The following RAPGEF4 variants were observed in gnomAD, a reference collection of about 807,000 sequenced individuals.
The protein encoded by RAPGEF4 is Rap guanine nucleotide exchange factor 4.
Under a neutral mutation model 147.9 loss-of-function variants are expected in RAPGEF4, and 66 were observed. The observed-to-expected ratio is 0.45, with a 90% CI of 0.37 to 0.55. The LOEUF is 0.55. Among genes scored for constraint, RAPGEF4 ranks in the 20% least tolerant of loss-of-function variants. The pLI, the probability that RAPGEF4 is intolerant of heterozygous loss-of-function variation, is 0.00. For missense variants in RAPGEF4, 1,071 were observed against 1,257.3 expected (o/e 0.85, Z 2.24); for synonymous variants, 419 against 442.7 (o/e 0.95, Z 0.67).
At chr2:172,968,977 T>C (rs1277084937) in intron 10 of RAPGEF4, among the ~76,000 whole-genome samples, 1 of 152,176 alleles carries the variant, frequency 6.6e-6, no homozygotes, top group African/African-American at 2.4e-5. Flanking sequence ...CAAGCCAACA[T>C]ATGCAGTGGT....
chr2:172,913,565 T>A (rs185329588), intron 4 of RAPGEF4, among the ~76,000 whole-genome samples: 1 of 152,334 alleles, frequency 6.6e-6, no homozygotes, highest in Admixed American at 6.5e-5. Context: ...GCTCCTGGGT[T>A]GGAATGACTC....
intron 4 of RAPGEF4, among the ~76,000 whole-genome samples, chr2:172,859,872 A>T (rs1292945662): frequency 6.6e-6 from 1 of 152,108 alleles, no homozygotes; most frequent in Non-Finnish European, 1.5e-5. Context: ...GTCTTGCTGG[A>T]CCTATCCTTT....
chr2:172,873,291 C>T (rs985993550), intron 4 of RAPGEF4, among the ~76,000 whole-genome samples: 2 of 152,092 alleles, frequency 1.3e-5, no homozygotes, highest in African/African-American at 4.8e-5. Flanking sequence ...CTCAGGGAAC[C>T]TTGTTCAGAG....
chr2:172,828,958 A>G (rs532066383), intron 4 of RAPGEF4, among the ~76,000 whole-genome samples: 12 of 152,308 alleles, frequency 7.9e-5, no homozygotes, highest in Non-Finnish European at 1.3e-4. Context: ...TCAAAGAGAA[A>G]GTGACTCTAG....
Position 173,027,165 on chromosome 2 carries a change from G to A in RAPGEF4, c.2464G>A (p.Glu822Lys). ...NLDLFLRRFN[E>K]IQFWVVTEIC... is the part of the protein sequence containing the mutation. ...GGATTTGTTCCTGAGGAGATTTAATGAAATTCAGTTTTGGGTCGTCACTGA... is the reference window on the plus strand; with the variant it reads ...GGATTTGTTCCTGAGGAGATTTAATAAAATTCAGTTTTGGGTCGTCACTGA... The change falls in exon 25 of 31, where the codon GAA becomes AAA. Residue 822 changes from glutamate (E) to lysine (K), a missense_variant. Coordinates refer to ENST00000397081, the MANE Select transcript of RAPGEF4 (RefSeq NM_007023.4). The A allele has an allele frequency of 6.2e-7, 1 of 1,613,724 alleles. No individual in the cohort carries two copies. The highest frequency in any genetic ancestry group is 8.5e-7 in the Non-Finnish European group (1 of 1,179,834).
At chr2:172,742,631 C>T (rs1369949606) in intron 1 of RAPGEF4, among the ~76,000 whole-genome samples, 2 of 152,278 alleles carry the variant, frequency 1.3e-5, no homozygotes, top group East Asian at 3.9e-4. Context: ...TATTGGGAGA[C>T]ATTTCACTGT....
At chr2:173,036,580 T>G in intron 28 of RAPGEF4, 48 bp from the exon 29 acceptor site, 41 of 1,394,814 alleles carry the variant, frequency 2.9e-5, no homozygotes, top group Non-Finnish European at 3.6e-5. Context: ...TTTCTTAGTA[T>G]GACATATTTC....
rs761996503 is a variant in RAPGEF4 at position 173,014,547 on chromosome 2, T to C, written c.1742T>C (p.Val581Ala). ...LNNKRRVIRL[V>A]LQWAAMYGDL... ...AATAAGAGGCGAGTCATCCGCCTGG[T>C]TCTACAGTGGGCTGCCATGTATGGA... Residue 581 changes from valine to alanine, a missense_variant, in exon 18 of 31, where the codon GTT becomes GCT. Physicochemically the swap from Val to Ala is moderately conservative, Grantham distance 64 (BLOSUM62 0). Transcript: ENST00000397081. 12 of 1,614,074 alleles carry C rather than the reference T, an allele frequency of 7.4e-6. No individual in the cohort carries two copies. In the South Asian group the frequency reaches 9.9e-5, roughly 13 times the overall value.
At chr2:173,005,201 A>T (rs576099025) in intron 17 of RAPGEF4, among the ~76,000 whole-genome samples, 1 of 152,234 alleles carries the variant, frequency 6.6e-6, no homozygotes, top group Non-Finnish European at 1.5e-5. Flanking sequence ...ATGAAAATGT[A>T]CACACTTTAA....
intron 4 of RAPGEF4, among the ~76,000 whole-genome samples, chr2:172,832,174 C>T (rs927785001): frequency 3.3e-5 from 5 of 152,032 alleles, no homozygotes; most frequent in Admixed American, 1.3e-4. Flanking sequence ...TTTTGGTTGC[C>T]GGTTCCCTCT....
At chr2:172,888,201 A>C (rs1697464288) in intron 4 of RAPGEF4, among the ~76,000 whole-genome samples, 1 of 152,218 alleles carries the variant, frequency 6.6e-6, no homozygotes, top group African/African-American at 2.4e-5. Context: ...AGTTGGAGAA[A>C]TTATAGAAGG....
At chr2:172,820,581 T>G (rs1028634952) in intron 4 of RAPGEF4, among the ~76,000 whole-genome samples, 2 of 152,176 alleles carry the variant, frequency 1.3e-5, no homozygotes, top group African/African-American at 2.4e-5. Context: ...GATATAATGA[T>G]TGGCACATTA....
intron 4 of RAPGEF4, among the ~76,000 whole-genome samples, chr2:172,854,425 G>A (rs1693188299): frequency 6.6e-6 from 1 of 151,590 alleles, no homozygotes; most frequent in African/African-American, 2.4e-5. Flanking sequence ...TGTTTTCATG[G>A]TGTATATTTT....
intron 4 of RAPGEF4, among the ~76,000 whole-genome samples, chr2:172,907,008 G>A (rs964246259): frequency 6.6e-6 from 1 of 152,214 alleles, no homozygotes. Context: ...CCAGGCAGGA[G>A]CAGCCCCAGG....
chr2:172,899,678 T>C (rs1427724292), intron 4 of RAPGEF4, among the ~76,000 whole-genome samples: 1 of 152,068 alleles, frequency 6.6e-6, no homozygotes, highest in Non-Finnish European at 1.5e-5. Flanking sequence ...TTCTGCTGGG[T>C]GGCACCTGCA....
At chr2:172,908,229 A>G (rs886399368) in intron 4 of RAPGEF4, among the ~76,000 whole-genome samples, 3 of 152,134 alleles carry the variant, frequency 2.0e-5, no homozygotes, top group African/African-American at 7.2e-5. Flanking sequence ...TTAGCTTTCT[A>G]CTCCATAATA....
At chr2:172,906,939 T>C (rs1699686278) in intron 4 of RAPGEF4, among the ~76,000 whole-genome samples, 1 of 152,380 alleles carries the variant, frequency 6.6e-6, no homozygotes, top group African/African-American at 2.4e-5. Flanking sequence ...TGCCAGCTCC[T>C]GGGCTACCTC....
At chr2:172,820,120 T>C (rs1688928180) in intron 4 of RAPGEF4, among the ~76,000 whole-genome samples, 1 of 152,212 alleles carries the variant, frequency 6.6e-6, no homozygotes, top group South Asian at 2.1e-4. Context: ...GTTTGTGGCA[T>C]GTTTTGACAT....
chr2:172,912,505 T>A (rs1270891668), intron 4 of RAPGEF4, among the ~76,000 whole-genome samples: 11 of 152,208 alleles, frequency 7.2e-5, no homozygotes, highest in Admixed American at 7.2e-4. Flanking sequence ...CTCTGAGGCT[T>A]TGTTTTCCTG....
Sources: gnomAD v4.1 joint callset for allele counts (sites outside exome capture counted in the v4.1 genomes callset) on GRCh38, gnomAD v4.1.1 for gene constraint, MANE v1.5 for transcripts, NCBI Gene and HGNC (gene_info 2026-07-23, HGNC 2026-07-21) for gene names.